SLCO3A1: variants seen among roughly 807,000 people sequenced by gnomAD.
The protein encoded by SLCO3A1 is solute carrier organic anion transporter family member 3A1, also known as PGE1 transporter.
Under a neutral mutation model 63.1 loss-of-function variants are expected in SLCO3A1, and 27 were observed. The observed-to-expected ratio is 0.43, with a 90% CI of 0.32 to 0.59. The LOEUF is 0.59. Among genes scored for constraint, SLCO3A1 ranks in the 20% least tolerant of loss-of-function variants. The pLI, the probability that SLCO3A1 is intolerant of heterozygous loss-of-function variation, is 0.09. For missense variants in SLCO3A1, 773 were observed against 945.8 expected (o/e 0.82, Z 2.40); for synonymous variants, 473 against 409.9 (o/e 1.15, Z -1.86).
intron 2 of SLCO3A1, among the ~76,000 whole-genome samples, chr15:92,020,905 A>G (rs1161492465): frequency 6.6e-6 from 1 of 152,252 alleles, no homozygotes; most frequent in African/African-American, 2.4e-5. Flanking sequence ...GGTATTTGAT[A>G]AAGAAGTGAA....
At chr15:92,015,711 A>G (rs11856769) in intron 2 of SLCO3A1, among the ~76,000 whole-genome samples, 18,148 of 152,060 alleles carry the variant, frequency 0.12, 1,409 homozygotes, top group East Asian at 0.27. Flanking sequence ...CAGGCTGCTA[A>G]GGGTAACTGT....
intron 2 of SLCO3A1, among the ~76,000 whole-genome samples, chr15:92,061,951 C>T (rs1221905870): frequency 2.0e-5 from 3 of 152,202 alleles, no homozygotes; most frequent in Admixed American, 6.5e-5. Context: ...GTGGCAGTCA[C>T]GCATCTGCCA....
chr15:92,009,764 G>C lies in SLCO3A1; in HGVS notation c.647-85117G>C, dbSNP rs564317303. ...TGTTAGCTACTATCAGTGTGGAGTTGTAATGAGGACCAAAGAGAAGTAACA... is the reference window on the plus strand; with the variant it reads ...TGTTAGCTACTATCAGTGTGGAGTTCTAATGAGGACCAAAGAGAAGTAACA... On this transcript the variant is annotated intron_variant, in intron 2 of 9. Transcript: ENST00000318445. 2.0e-5 allele frequency among the ~76,000 whole-genome samples: 3 copies of C among 152,344 alleles called. No homozygotes were observed. In the South Asian group the frequency reaches 6.2e-4, roughly 32 times the overall value.
At chr15:92,091,003 T>A (rs949186779) in intron 2 of SLCO3A1, among the ~76,000 whole-genome samples, 1 of 152,188 alleles carries the variant, frequency 6.6e-6, no homozygotes, top group African/African-American at 2.4e-5. Context: ...AGCTGGGATT[T>A]GAACCCAGGC....
Position 92,171,705 on chromosome 15 carries a change from C to A in SLCO3A1, c.1997-75C>A. 5 of 1,067,934 alleles carry A rather than the reference C, an allele frequency of 4.7e-6. No individual in the cohort carries two copies. The South Asian group carries it at 5.4e-5, about 12-fold the overall frequency. 66.2% of individuals were successfully genotyped at this position (1,067,934 alleles called of 1,614,324 possible). On this transcript the variant is annotated intron_variant, in intron 10 of 10. Coordinates refer to the SLCO3A1 transcript ENST00000424469. The stretch of plus-strand genomic sequence containing the variant: ...AAAGCCATCATGCTATTAAATAAGC[C>A]TAACAAACAGTAGGTGAAGCAGAAA...
Position 91,916,273 on chromosome 15 carries a change from G to A in SLCO3A1, c.461G>A (p.Gly154Asp). The A allele has an allele frequency of 6.4e-7, 1 of 1,550,864 alleles. No homozygotes were observed. Among genetic ancestry groups the A allele is most frequent in the East Asian group, 2.4e-5 (1 of 40,960 alleles). The change falls in exon 2 of 10, where the codon GGC becomes GAC. Residue 154 changes from glycine (G) to aspartate (D), a missense_variant. By Grantham distance (94) the Gly-to-Asp change is moderately conservative. Coordinates refer to ENST00000318445, the MANE Select transcript of SLCO3A1 (RefSeq NM_013272.4). The surrounding 1 kb of genome is among the most constrained non-coding windows in gnomAD (Gnocchi z 6.2). ...AEGRDVCAAN[G>D]SGGDEGPDPD... is the part of the protein sequence containing the mutation. ...GGCCGCGACGTCTGCGCAGCCAACGGCTCGGGCGGCGACGAGGGGCCCGAC... is the reference window on the plus strand; with the variant it reads ...GGCCGCGACGTCTGCGCAGCCAACGACTCGGGCGGCGACGAGGGGCCCGAC...
chr15:91,935,945 G>A (rs879273231), intron 2 of SLCO3A1, among the ~76,000 whole-genome samples: 3 of 152,158 alleles, frequency 2.0e-5, no homozygotes, highest in Non-Finnish European at 2.9e-5. Context: ...AGTTTGCACA[G>A]CTTATCATGG....
intron 2 of SLCO3A1, among the ~76,000 whole-genome samples, chr15:91,947,656 T>C (rs1244676711): frequency 6.6e-6 from 1 of 152,194 alleles, no homozygotes; most frequent in Non-Finnish European, 1.5e-5. Context: ...TTATTAAAAA[T>C]GTGAGTTAGT....
At chr15:92,156,858 T>A (rs2048377225) in intron 9 of SLCO3A1, among the ~76,000 whole-genome samples, 1 of 152,214 alleles carries the variant, frequency 6.6e-6, no homozygotes, top group African/African-American at 2.4e-5. Context: ...CGTAAAGGAA[T>A]TTGAACTTAT....
At chr15:92,143,568 C>A (rs1288491032) in intron 7 of SLCO3A1, among the ~76,000 whole-genome samples, 2 of 128,800 alleles carry the variant, frequency 1.6e-5, no homozygotes, top group African/African-American at 6.0e-5. Flanking sequence ...CCACAGTGGT[C>A]TCTGTCTTCA....
intron 2 of SLCO3A1, among the ~76,000 whole-genome samples, chr15:91,993,267 T>G (rs1405541659): frequency 6.6e-6 from 1 of 152,252 alleles, no homozygotes; most frequent in Non-Finnish European, 1.5e-5. Flanking sequence ...GTCTTTGTTT[T>G]GAGCCTTCCG....
At chr15:92,104,182 C>A in intron 3 of SLCO3A1, 97 bp from the exon 4 acceptor site, 1 of 1,382,980 alleles carries the variant, frequency 7.2e-7, no homozygotes. Flanking sequence ...ATTTCTAGAG[C>A]CCTTGCCCTC....
chr15:91,927,085 G>T (rs557973986), intron 2 of SLCO3A1, among the ~76,000 whole-genome samples: 79 of 152,186 alleles, frequency 5.2e-4, no homozygotes, highest in Non-Finnish European at 8.5e-4. Context: ...ACAACAGGAA[G>T]CATATAAGCA....
chr15:91,955,833 G>C (rs569867431), intron 2 of SLCO3A1, among the ~76,000 whole-genome samples: 2 of 152,224 alleles, frequency 1.3e-5, no homozygotes, highest in Non-Finnish European at 2.9e-5. Flanking sequence ...TGACTGCCAC[G>C]TATTAGCGTG....
rs766104368 is a variant in SLCO3A1 at position 91,916,037 on chromosome 15, C to A, written c.225C>A (p.Ser75Arg). The A allele has an allele frequency of 6.2e-7, 1 of 1,613,472 alleles. No individual in the cohort carries two copies. The highest frequency in any genetic ancestry group is 1.1e-5 in the South Asian group (1 of 91,048). Reference protein sequence around the residue: ...TTLERRFNLQSADVGVIASSF... With the variant: ...TTLERRFNLQRADVGVIASSF... ...TGGAGCGTAGGTTCAACCTGCAGAG[C>A]GCTGACGTGGGTGTGATCGCTAGCA... The change falls in exon 2 of 10, where the codon AGC becomes AGA. Residue 75 changes from serine (S) to arginine (R), a missense_variant. By Grantham distance (110) the Ser-to-Arg change is moderately radical. This residue lies in a region of SLCO3A1 where 565 missense variants were observed against 749.8 expected (regional missense o/e 0.75). Coordinates refer to ENST00000318445, the MANE Select transcript of SLCO3A1 (RefSeq NM_013272.4). The surrounding 1 kb of genome is among the most constrained non-coding windows in gnomAD (Gnocchi z 6.2).
chr15:92,082,832 C>T (rs1048028823), intron 2 of SLCO3A1, among the ~76,000 whole-genome samples: 22 of 152,314 alleles, frequency 1.4e-4, no homozygotes, highest in Middle Eastern at 3.4e-3. Context: ...GTGATACCTG[C>T]TCTTTCTCTA....
chr15:91,951,488 G>A (rs2151411571), intron 2 of SLCO3A1, among the ~76,000 whole-genome samples: 1 of 151,452 alleles, frequency 6.6e-6, no homozygotes, highest in East Asian at 1.9e-4. Context: ...TCCACTTTTT[G>A]GCTAATATGA....
At chr15:91,904,177 A>G (rs999664728) in intron 1 of SLCO3A1, among the ~76,000 whole-genome samples, 1 of 152,178 alleles carries the variant, frequency 6.6e-6, no homozygotes, top group Non-Finnish European at 1.5e-5. Flanking sequence ...CTGCTGTTAT[A>G]TCATGCACGG....
chr15:91,982,539 G>A (rs1355123462), intron 2 of SLCO3A1, among the ~76,000 whole-genome samples: 1 of 152,216 alleles, frequency 6.6e-6, no homozygotes, highest in Non-Finnish European at 1.5e-5. Flanking sequence ...ATTCCAAAAT[G>A]AGAAACAACC....
Sources: allele counts gnomAD v4.1 joint callset (sites outside exome capture counted in the v4.1 genomes callset), GRCh38; gene constraint gnomAD v4.1.1; regional missense constraint gnomAD v4.1.1; non-coding constraint Gnocchi (gnomAD v3.1); transcripts MANE v1.5; gene names NCBI Gene and HGNC (gene_info 2026-07-23, HGNC 2026-07-21).